Variants in MRPL48 observed in about 807,000 individuals in gnomAD.
The protein encoded by MRPL48 is mitochondrial ribosomal protein L48, also known as large ribosomal subunit protein mL48.
Under a neutral mutation model 32.9 loss-of-function variants are expected in MRPL48, and 16 were observed. The observed-to-expected ratio is 0.49, with a 90% CI of 0.33 to 0.74. The LOEUF (loss-of-function observed/expected upper bound fraction) is 0.74, where lower values mean the gene tolerates loss of function less well. Ranked by LOEUF, MRPL48 falls within the 30% of genes least tolerant of loss-of-function variation. The pLI, the probability that MRPL48 is intolerant of heterozygous loss-of-function variation, is 0.02. For synonymous variants in MRPL48, 94 were observed against 89.2 expected (o/e 1.05, Z -0.31); for missense variants, 206 against 245.3 (o/e 0.84, Z 1.07).
intron 1 of MRPL48, among the ~76,000 whole-genome samples, chr11:73,788,666 G>A (rs928314505): frequency 6.6e-6 from 1 of 151,838 alleles, no homozygotes; most frequent in Admixed American, 6.6e-5. Flanking sequence ...TAGAGACGGG[G>A]TTTCACTGTG....
intron 3 of MRPL48, among the ~76,000 whole-genome samples, chr11:73,808,935 A>AAT (rs60071515): frequency 0.094 from 14,252 of 151,762 alleles, 791 homozygotes; most frequent in South Asian, 0.27. Context: ...AAAAAAAAAA[A>AAT]AATAATGAGA....
chr11:73,841,922 C>T (rs1330649459), intron 4 of MRPL48, among the ~76,000 whole-genome samples: 1 of 151,886 alleles, frequency 6.6e-6, no homozygotes, highest in African/African-American at 2.4e-5. Context: ...CACAAACAGC[C>T]AATGATACTA....
intron 3 of MRPL48, among the ~76,000 whole-genome samples, chr11:73,815,402 G>A (rs1947645859): frequency 1.3e-5 from 2 of 151,200 alleles, no homozygotes; most frequent in South Asian, 2.1e-4. Context: ...CAACGAGAGC[G>A]AAACTCCATC....
intron 1 of MRPL48, among the ~76,000 whole-genome samples, chr11:73,802,339 C>T (rs1173847212): frequency 6.6e-6 from 1 of 152,232 alleles, no homozygotes; most frequent in Admixed American, 6.5e-5. Context: ...ATATAGTTCA[C>T]ATAACCTACA....
At chr11:73,817,845 C>T in intron 3 of MRPL48, 1 of 392,612 alleles carries the variant, frequency 2.5e-6, no homozygotes, top group South Asian at 1.9e-5. Context: ...TTGCTTGTGG[C>T]CCAGGCTTGA....
At chr11:73,827,232 A>C (rs1947914895) in intron 4 of MRPL48, among the ~76,000 whole-genome samples, 1 of 152,058 alleles carries the variant, frequency 6.6e-6, no homozygotes, top group South Asian at 2.1e-4. Context: ...AAAAATACAA[A>C]AATTAGCTGG....
intron 1 of MRPL48, among the ~76,000 whole-genome samples, chr11:73,790,880 CTTTT>C (rs71469471): frequency 1.5e-4 from 13 of 86,406 alleles, no homozygotes; most frequent in African/African-American, 5.4e-4. Flanking sequence ...CTTTTCTGTT[CTTTT>C]TTTTTTTTTT....
rs190219207 is a variant in MRPL48 at position 73,860,737 on chromosome 11, A to G, written c.474+728A>G. On this transcript the variant is annotated intron_variant, in intron 6 of 7. Transcript: ENST00000310614. ...TGATATATAATGGACATATCATACA[A>G]TTTACCAATTTGAAGTATACAATAA... is the stretch of plus-strand genomic sequence containing the variant. Among the ~76,000 whole-genome samples the G allele has an allele frequency of 7.9e-5, 12 of 152,324 alleles. No homozygotes were observed. The East Asian group carries it at 2.1e-3, about 27-fold the overall frequency.
intron 3 of MRPL48, among the ~76,000 whole-genome samples, chr11:73,812,757 T>G (rs1406196444): frequency 1.3e-5 from 2 of 149,550 alleles, no homozygotes; most frequent in Non-Finnish European, 3.0e-5. Context: ...TATTTATTTT[T>G]TATTGTTTTT....
rs1425101679 is a variant in MRPL48 at position 73,795,687 on chromosome 11, T to C, written c.21+7695T>C. ...ACGCCCAGCTAATTTTTTTTTTTTT[T>C]AGTAGAGATGGGGTTTCACTGTGTT... On this transcript the variant is annotated intron_variant, in intron 1 of 7. Coordinates refer to ENST00000310614, the MANE Select transcript of MRPL48 (RefSeq NM_016055.6). 6.0e-5 allele frequency among the ~76,000 whole-genome samples: 9 copies of C among 150,164 alleles called. 1 individual carries two copies. Among genetic ancestry groups the C allele is most frequent in the African/African-American group, 9.8e-5 (4 of 40,744 alleles).
At chr11:73,825,659 A>G (rs945373450) in intron 3 of MRPL48, 49 bp from the exon 4 acceptor site, 5 of 1,494,942 alleles carry the variant, frequency 3.3e-6, no homozygotes, top group Non-Finnish European at 4.5e-6. Flanking sequence ...AAAAACAACG[A>G]TAATAGCAAC....
At chr11:73,822,477 C>G (rs968823793) in intron 3 of MRPL48, among the ~76,000 whole-genome samples, 5 of 152,094 alleles carry the variant, frequency 3.3e-5, no homozygotes, top group African/African-American at 1.2e-4. Flanking sequence ...GTCTCAGTGT[C>G]TATACAGTTA....
chr11:73,789,887 CTG>C (rs541424871), intron 1 of MRPL48, among the ~76,000 whole-genome samples: 68 of 152,070 alleles, frequency 4.5e-4, no homozygotes, highest in African/African-American at 1.3e-3. Context: ...GAATGAATGA[CTG>C]GAACCTAGGC....
intron 5 of MRPL48, among the ~76,000 whole-genome samples, chr11:73,849,947 A>G (rs1002153066): frequency 8.5e-5 from 13 of 152,104 alleles, no homozygotes; most frequent in Non-Finnish European, 1.8e-4. Flanking sequence ...AAAAAATACA[A>G]AAACTAGCCT....
chr11:73,814,146 A>T (rs994232536), intron 3 of MRPL48, among the ~76,000 whole-genome samples: 1 of 151,742 alleles, frequency 6.6e-6, no homozygotes, highest in African/African-American at 2.4e-5. Context: ...TAACCTCAGC[A>T]CTTTGGGAGG....
At chr11:73,862,731 T>C (rs899141055) in intron 6 of MRPL48, among the ~76,000 whole-genome samples, 1 of 152,014 alleles carries the variant, frequency 6.6e-6, no homozygotes, top group Non-Finnish European at 1.5e-5. Flanking sequence ...CTGGGCAACA[T>C]AGCAAGACCC....
intron 3 of MRPL48, among the ~76,000 whole-genome samples, chr11:73,812,254 T>G (rs1190700695): frequency 6.6e-6 from 1 of 152,140 alleles, no homozygotes; most frequent in African/African-American, 2.4e-5. Flanking sequence ...TTCAGGAAGA[T>G]TTTATGTATA....
In MRPL48 at chr11:73,804,299, C is replaced by T. The variant is rs113861538; in HGVS notation, c.22-728C>T. On this transcript the variant is annotated intron_variant, in intron 1 of 7. Transcript: ENST00000310614. Reference sequence around the variant, plus strand: ...AGTCAGTCCTCTTTTTTTTTTGAGACGGAATCTCATTTTATGGCCCAGGCT... The same window carrying T: ...AGTCAGTCCTCTTTTTTTTTTGAGATGGAATCTCATTTTATGGCCCAGGCT... Among the ~76,000 whole-genome samples, 1,097 of 150,172 alleles carry T rather than the reference C, an allele frequency of 7.3e-3. 16 individuals carry two copies. Among genetic ancestry groups the T allele is most frequent in the African/African-American group, 0.025 (1,026 of 40,938 alleles).
intron 5 of MRPL48, among the ~76,000 whole-genome samples, chr11:73,856,941 TACTTAA>T (rs1042626905): frequency 4.1e-4 from 63 of 152,302 alleles, no homozygotes; most frequent in Non-Finnish European, 6.0e-4. Context: ...TACTTTTACA[TACTTAA>T]AGGCCTGTTC....
Sources: allele counts gnomAD v4.1 joint callset (sites outside exome capture counted in the v4.1 genomes callset), GRCh38; gene constraint gnomAD v4.1.1; transcripts MANE v1.5; gene names NCBI Gene and HGNC (gene_info 2026-07-23, HGNC 2026-07-21).